The following IGSF10 variants were observed in gnomAD, a reference collection of about 807,000 sequenced individuals.
The protein encoded by IGSF10 is calvaria mechanical force protein 608.
In IGSF10, 126 loss-of-function variants were observed where a neutral mutation model predicts 128.2. The ratio of observed to expected loss-of-function variants is 0.98; its 90% CI spans 0.85 to 1.14. IGSF10 has a LOEUF of 1.14. Ranked by LOEUF, IGSF10 falls within the 50% of genes most tolerant of loss-of-function variation. The pLI is 0.00. For synonymous variants in IGSF10, 1,185 were observed against 1,146.2 expected (o/e 1.03, Z -0.68); for missense variants, 3,295 against 3,149.8 (o/e 1.05, Z -1.10).
At chr3:151,532,360 C>T in the IGSF10 span, among the ~76,000 whole-genome samples, 2 of 152,038 alleles carry the variant, frequency 1.3e-5, no homozygotes, top group Non-Finnish European at 2.9e-5. Flanking sequence ...CAAAACCTGG[C>T]AGACACACAA....
At chr3:151,612,164 C>T in the IGSF10 span, among the ~76,000 whole-genome samples, 5 of 152,286 alleles carry the variant, frequency 3.3e-5, no homozygotes, top group African/African-American at 9.6e-5. Flanking sequence ...TGTGGCATTG[C>T]ACTTCGTGTC....
Position 151,443,185 on chromosome 3 carries a change from C to T in IGSF10, c.5762G>A (p.Ser1921Asn). Residue 1921 changes from serine to asparagine, a missense_variant, in exon 7 of 8, where the codon AGT becomes AAT. Ser to Asn is a conservative substitution (Grantham distance 46). Coordinates refer to ENST00000282466, the MANE Select transcript of IGSF10 (RefSeq NM_178822.5). Reference sequence around the variant, plus strand: ...TACTCTTCGCTCCGAACCAGTGGAACTGGTAGCAATGCATTCATAAGTGCC... The same window carrying T: ...TACTCTTCGCTCCGAACCAGTGGAATTGGTAGCAATGCATTCATAAGTGCC... ...DRGTYECIAT[S>N]STGSERRVVM... 3 of 1,614,238 alleles carry T rather than the reference C, an allele frequency of 1.9e-6. No individual in the cohort carries two copies. Among genetic ancestry groups the T allele is most frequent in the Non-Finnish European group, 2.5e-6 (3 of 1,180,036 alleles).
intron 7 of IGSF10, among the ~76,000 whole-genome samples, chr3:151,439,821 A>G (rs1013920257): frequency 2.6e-5 from 4 of 152,164 alleles, no homozygotes; most frequent in African/African-American, 9.7e-5. Context: ...TTTCCTGGTA[A>G]AACTAAATCT....
At chr3:151,453,235 A>T in intron 5 of IGSF10, 149 bp downstream of exon 5, 1 of 653,276 alleles carries the variant, frequency 1.5e-6, no homozygotes, top group Non-Finnish European at 2.5e-6. Flanking sequence ...ACAGCCATAG[A>T]TGATGTGTAA....
chr3:151,476,404 C>T, the IGSF10 span, among the ~76,000 whole-genome samples: 1 of 151,602 alleles, frequency 6.6e-6, no homozygotes, highest in South Asian at 2.1e-4. Context: ...GGCCTCTGCC[C>T]CAAATGAGGA....
chr3:151,458,632 GC>G lies in IGSF10; in HGVS notation c.77del (p.Gly26AlafsTer23), dbSNP rs1287638342. Reference sequence around the variant, plus strand: ...AGGCACAGCGGCGAGGACAGGCCTTGCCCCCAGGGGTGGCGACCAGGCAGAT... The same window carrying G: ...AGGCACAGCGGCGAGGACAGGCCTTGCCCCAGGGGTGGCGACCAGGCAGAT... ...AVICLVATPG[G>X]KACPRRCACY... On this transcript the variant is annotated frameshift_variant, in exon 3 of 8. Transcript: ENST00000282466. LOFTEE classifies it high-confidence loss of function. 7.4e-6 allele frequency: 12 copies of G among 1,614,036 alleles called. No individual in the cohort carries two copies. The highest frequency in any genetic ancestry group is 9.3e-6 in the Non-Finnish European group (11 of 1,180,020).
chr3:151,600,282 T>C, the IGSF10 span, among the ~76,000 whole-genome samples: 42 of 152,256 alleles, frequency 2.8e-4, no homozygotes, highest in Non-Finnish European at 1.5e-5. Flanking sequence ...ATCTCAACAG[T>C]ATAAAAAGAT....
At chr3:151,497,169 C>G in the IGSF10 span, among the ~76,000 whole-genome samples, 8 of 152,118 alleles carry the variant, frequency 5.3e-5, no homozygotes, top group Non-Finnish European at 1.0e-4. Context: ...TGCAGAAGCT[C>G]TTTAGTTTAA....
chr3:151,482,649 T>C, the IGSF10 span, among the ~76,000 whole-genome samples: 4 of 152,128 alleles, frequency 2.6e-5, no homozygotes, highest in African/African-American at 9.7e-5. Context: ...TGTGGGGAAA[T>C]CCCAAGTCCT....
the IGSF10 span, among the ~76,000 whole-genome samples, chr3:151,541,254 C>T: frequency 7.9e-5 from 12 of 152,238 alleles, no homozygotes; most frequent in East Asian, 2.3e-3. Flanking sequence ...TTACAAACTT[C>T]ATGGCAGAAA....
At chr3:151,580,935 G>GT in the IGSF10 span, among the ~76,000 whole-genome samples, 1 of 151,070 alleles carries the variant, frequency 6.6e-6, no homozygotes, top group African/African-American at 2.4e-5. Context: ...TTCCAGATCT[G>GT]TTTTTTATAA....
chr3:151,512,005 C>A, the IGSF10 span, among the ~76,000 whole-genome samples: 44,810 of 151,434 alleles, frequency 0.3, 7,308 homozygotes, highest in Middle Eastern at 0.42. Context: ...ACTCCCACAC[C>A]ATAATAACGG....
intron 5 of IGSF10, among the ~76,000 whole-genome samples, chr3:151,450,546 T>C (rs1041548225): frequency 5.3e-5 from 8 of 152,044 alleles, no homozygotes; most frequent in Non-Finnish European, 8.8e-5. Flanking sequence ...AATTTTATAG[T>C]CTAAACCTAT....
the IGSF10 span, among the ~76,000 whole-genome samples, chr3:151,497,518 C>A: frequency 6.6e-6 from 1 of 152,136 alleles, no homozygotes; most frequent in Non-Finnish European, 1.5e-5. Flanking sequence ...GGGCTCTGTT[C>A]TGTTCCATTG....
the IGSF10 span, among the ~76,000 whole-genome samples, chr3:151,547,894 T>G: frequency 6.6e-6 from 1 of 152,216 alleles, no homozygotes; most frequent in Non-Finnish European, 1.5e-5. Context: ...ACTATACAAC[T>G]TCCAGTTTTA....
chr3:151,541,574 A>T, the IGSF10 span, among the ~76,000 whole-genome samples: 3 of 152,146 alleles, frequency 2.0e-5, no homozygotes, highest in Non-Finnish European at 4.4e-5. Context: ...TAGGAGGCTG[A>T]TATTTCTAAT....
At chr3:151,472,744 C>A in the IGSF10 span, among the ~76,000 whole-genome samples, 1 of 152,198 alleles carries the variant, frequency 6.6e-6, no homozygotes, top group Non-Finnish European at 1.5e-5. Flanking sequence ...CCAAAGTATA[C>A]TTTTGCCAGG....
chr3:151,523,631 C>T, the IGSF10 span, among the ~76,000 whole-genome samples: 3 of 152,014 alleles, frequency 2.0e-5, no homozygotes, highest in African/African-American at 4.8e-5. Flanking sequence ...AGATTGAAGC[C>T]GGACTCCTTC....
At position 151,437,442 on chromosome 3, in the gene IGSF10, T is replaced by G. The variant is rs997307822; in HGVS notation, c.7119A>C (p.Leu2373Phe). 4.3e-6 allele frequency: 7 copies of G among 1,614,228 alleles called. No individual in the cohort carries two copies. Among genetic ancestry groups the G allele is most frequent in the Admixed American group, 1.7e-5 (1 of 60,028 alleles). ...GNPPPEIIWI[L>F]PNGTRFSNGP... ...CATTGGAAAATCGTGTGCCATTTGG[T>G]AAAATCCAGATTATTTCAGGTGGTG... is the stretch of plus-strand genomic sequence containing the variant. Residue 2373 changes from leucine (L) to phenylalanine (F), a missense_variant, in exon 8 of 8, where the codon TTA becomes TTC. By Grantham distance (22) the Leu-to-Phe change is conservative. Coordinates refer to ENST00000282466, the MANE Select transcript of IGSF10 (RefSeq NM_178822.5).
Sources: allele counts gnomAD v4.1 joint callset (sites outside exome capture counted in the v4.1 genomes callset), GRCh38; gene constraint gnomAD v4.1.1; transcripts MANE v1.5; gene names NCBI Gene and HGNC (gene_info 2026-07-23, HGNC 2026-07-21).